Variants in BNC2 observed in about 807,000 individuals in gnomAD.
The protein encoded by BNC2 is zinc finger protein basonuclin-2.
Under a neutral mutation model 76.3 loss-of-function variants are expected in BNC2, and 20 were observed. The observed-to-expected ratio is 0.26, with a 90% confidence interval of 0.18 to 0.38. The LOEUF is 0.38. Among genes scored for constraint, BNC2 ranks in the 10% least tolerant of loss-of-function variants. The probability of loss-of-function intolerance (pLI) is 1.00; values close to 1 mark genes in which losing one functional copy is unlikely to be tolerated. For synonymous variants in BNC2, 582 were observed against 514.8 expected (o/e 1.13, Z -1.77); for missense variants, 1,382 against 1,399.8 (o/e 0.99, Z 0.20).
intron 3 of BNC2, among the ~76,000 whole-genome samples, chr9:16,706,928 C>T (rs374532598): frequency 2.6e-5 from 4 of 152,178 alleles, no homozygotes; most frequent in East Asian, 1.9e-4. Context: ...GAAGGCTGGG[C>T]GCGGAGGCTC....
chr9:16,512,149 T>G (rs1421481373), intron 5 of BNC2, among the ~76,000 whole-genome samples: 1 of 152,178 alleles, frequency 6.6e-6, no homozygotes, highest in Non-Finnish European at 1.5e-5. Flanking sequence ...TCCTCAATAT[T>G]AATATTTTTT....
intron 3 of BNC2, among the ~76,000 whole-genome samples, chr9:16,683,368 A>C (rs1448710252): frequency 6.6e-6 from 1 of 152,224 alleles, no homozygotes; most frequent in Non-Finnish European, 1.5e-5. Flanking sequence ...CTAAACAAAA[A>C]TCCTTTCTAA....
chr9:16,600,421 T>C (rs148951150), intron 3 of BNC2, among the ~76,000 whole-genome samples: 11 of 152,344 alleles, frequency 7.2e-5, no homozygotes, highest in African/African-American at 2.4e-4. Flanking sequence ...CCAGATGGTA[T>C]GTCTCCTAAA....
intron 3 of BNC2, among the ~76,000 whole-genome samples, chr9:16,598,280 T>C (rs1329317021): frequency 6.6e-6 from 1 of 152,196 alleles, no homozygotes; most frequent in Non-Finnish European, 1.5e-5. Flanking sequence ...ATAAAGCTTT[T>C]AAGTGGACAT....
chr9:16,507,649 G>C (rs1202535672), intron 5 of BNC2, among the ~76,000 whole-genome samples: 1 of 152,110 alleles, frequency 6.6e-6, no homozygotes, highest in Non-Finnish European at 1.5e-5. Context: ...GGTTGGTCTT[G>C]AACTCCTGAC....
chr9:16,846,324 G>C (rs529369325), intron 1 of BNC2, among the ~76,000 whole-genome samples: 43 of 152,234 alleles, frequency 2.8e-4, no homozygotes, highest in Non-Finnish European at 4.0e-4. Context: ...TAACAGAACT[G>C]TACAATCTTT....
At chr9:16,732,084 C>T (rs768050128) in intron 2 of BNC2, among the ~76,000 whole-genome samples, 1 of 146,730 alleles carries the variant, frequency 6.8e-6, no homozygotes, top group Non-Finnish European at 1.5e-5. Context: ...TTCCCACAAC[C>T]GTTTAAAATG....
intron 2 of BNC2, among the ~76,000 whole-genome samples, chr9:16,737,066 A>G (rs2135110070): frequency 6.6e-6 from 1 of 151,834 alleles, no homozygotes; most frequent in East Asian, 2.0e-4. Flanking sequence ...TCAGCCTCCC[A>G]AAGTGCTGGG....
At chr9:16,445,582 C>T (rs1821215593) in intron 5 of BNC2, among the ~76,000 whole-genome samples, 1 of 152,040 alleles carries the variant, frequency 6.6e-6, no homozygotes, top group Non-Finnish European at 1.5e-5. Flanking sequence ...CAGAATTTCT[C>T]AACAGCATCC....
In BNC2 at chr9:16,490,253, C is replaced by T. The variant is rs146519656; in HGVS notation, c.670-52729G>A. Among the ~76,000 whole-genome samples, 497 of 152,270 alleles carry T rather than the reference C, an allele frequency of 3.3e-3. 9 individuals are homozygous for T. The highest frequency in any genetic ancestry group is 0.031 in the Middle Eastern group (9 of 294). Reference sequence around the variant, plus strand: ...CAGAATCATGGTGGGAGGTGAGAGGCACTTCTAACATGGCAGCCGCAAGAG... The same window carrying T: ...CAGAATCATGGTGGGAGGTGAGAGGTACTTCTAACATGGCAGCCGCAAGAG... On this transcript the variant is annotated intron_variant, in intron 5 of 6. Transcript: ENST00000380672.
chr9:16,680,002 G>C (rs552040327), intron 3 of BNC2, among the ~76,000 whole-genome samples: 1 of 152,288 alleles, frequency 6.6e-6, no homozygotes, highest in South Asian at 2.1e-4. Flanking sequence ...CGCATAGGGG[G>C]AGTGTTATTT....
At chr9:16,523,932 C>G (rs1040963204) in intron 5 of BNC2, among the ~76,000 whole-genome samples, 1 of 152,154 alleles carries the variant, frequency 6.6e-6, no homozygotes, top group Non-Finnish European at 1.5e-5. Flanking sequence ...TGCACTCCAG[C>G]CTGGACAACA....
intron 3 of BNC2, among the ~76,000 whole-genome samples, chr9:16,691,635 G>A (rs976235113): frequency 1.1e-4 from 16 of 149,126 alleles, no homozygotes; most frequent in African/African-American, 3.5e-4. Context: ...TCAGCCTCCC[G>A]AGTAGCTGGG....
At chr9:16,486,081 C>A (rs1209588470) in intron 5 of BNC2, among the ~76,000 whole-genome samples, 3 of 152,178 alleles carry the variant, frequency 2.0e-5, no homozygotes, top group African/African-American at 7.2e-5. Context: ...CCCAAGGCTC[C>A]AGCAGGCTTC....
At chr9:16,519,726 G>A (rs555088834) in intron 5 of BNC2, among the ~76,000 whole-genome samples, 2 of 152,216 alleles carry the variant, frequency 1.3e-5, no homozygotes, top group African/African-American at 4.8e-5. Context: ...AACCCTGTAA[G>A]GTAGACATTA....
At chr9:16,474,029 T>C (rs1393980928) in intron 5 of BNC2, among the ~76,000 whole-genome samples, 1 of 152,212 alleles carries the variant, frequency 6.6e-6, no homozygotes, top group Non-Finnish European at 1.5e-5. Flanking sequence ...CTGTGTGATG[T>C]TTCTCCAAAT....
chr9:16,779,144 A>AG (rs1554729030), intron 1 of BNC2, among the ~76,000 whole-genome samples: 1 of 149,084 alleles, frequency 6.7e-6, no homozygotes, highest in African/African-American at 2.5e-5. Context: ...AGAAAAGAAA[A>AG]GAAAAAAAAA....
intron 5 of BNC2, among the ~76,000 whole-genome samples, chr9:16,445,337 C>T (rs1389599484): frequency 2.0e-5 from 3 of 152,148 alleles, no homozygotes; most frequent in Admixed American, 6.6e-5. Flanking sequence ...ACACCATTCT[C>T]TATTCACACA....
intron 3 of BNC2, among the ~76,000 whole-genome samples, chr9:16,635,172 A>C (rs1821286592): frequency 6.6e-6 from 1 of 152,222 alleles, no homozygotes; most frequent in East Asian, 1.9e-4. Flanking sequence ...AAGGCTTTTA[A>C]ATTTTCTCAC....
Sources: gnomAD v4.1 joint callset for allele counts (sites outside exome capture counted in the v4.1 genomes callset) on GRCh38, gnomAD v4.1.1 for gene constraint, MANE v1.5 for transcripts, NCBI Gene and HGNC (gene_info 2026-07-23, HGNC 2026-07-21) for gene names.